The following KCNQ1 variants were observed in gnomAD, a reference collection of about 807,000 sequenced individuals.
KCNQ1 encodes potassium voltage-gated channel subfamily KQT member 1.
Under a neutral mutation model 72.4 loss-of-function variants are expected in KCNQ1, and 49 were observed. That is an observed-to-expected ratio of 0.68 (90% CI 0.54 to 0.86). The LOEUF (loss-of-function observed/expected upper bound fraction) is 0.86. Among genes scored for constraint, KCNQ1 ranks in the 40% least tolerant of loss-of-function variants. The probability of loss-of-function intolerance (pLI) is 0.00; values close to 1 mark genes in which losing one functional copy is unlikely to be tolerated. For synonymous variants in KCNQ1, 450 were observed against 412.6 expected (o/e 1.09, Z -1.10); for missense variants, 790 against 945.1 (o/e 0.84, Z 2.15).
rs1850120410 is a variant in KCNQ1 at position 2,668,321 on chromosome 11, C to T, written c.1514+6240C>T. On this transcript the variant is annotated intron_variant, in intron 11 of 15. Coordinates refer to ENST00000155840, the MANE Select transcript of KCNQ1 (RefSeq NM_000218.3). The surrounding 1 kb of genome is among the most constrained non-coding windows in gnomAD (Gnocchi z 4.3). ...GGTTGCGTTTCTGGGGAATATATGC[C>T]TATGTGTGGAGCTGCAGGGTCCTGG... 2.5e-6 allele frequency: 1 copy of T among 398,598 alleles called. No individual in the cohort carries two copies. The highest frequency in any genetic ancestry group is 4.4e-6 in the Non-Finnish European group (1 of 226,088). 24.7% of individuals were successfully genotyped at this position (398,598 alleles called of 1,614,324 possible). A position where few individuals can be genotyped will look rare whatever the true frequency, so the allele number is the denominator to read the frequency against.
In KCNQ1 at chr11:2,567,760, C is replaced by T. The variant is rs1848267674; in HGVS notation, c.478-2868C>T. ...TGTTGTTTTTAATCATTCCTACCAC[C>T]TTGTCCCACAGGCAGGAGTCCTGCC... On this transcript the variant is annotated intron_variant, in intron 2 of 15. Transcript: ENST00000155840. The surrounding 1 kb of genome is among the most constrained non-coding windows in gnomAD (Gnocchi z 6.6). Among the ~76,000 whole-genome samples, 1 of 152,218 alleles carries T rather than the reference C, an allele frequency of 6.6e-6. No individual in the cohort carries two copies. The highest frequency in any genetic ancestry group is 2.4e-5 in the African/African-American group (1 of 41,454).
chr11:2,517,450 C>T (rs940652143), intron 1 of KCNQ1, among the ~76,000 whole-genome samples: 1 of 152,156 alleles, frequency 6.6e-6, no homozygotes, highest in Non-Finnish European at 1.5e-5. Flanking sequence ...GGCGCGTTCC[C>T]CAGGGCCCCA....
intron 11 of KCNQ1, chr11:2,700,141 C>T (rs1850775025): frequency 1.5e-5 from 6 of 397,224 alleles, no homozygotes; most frequent in Non-Finnish European, 4.4e-6. Context: ...TGTGCCGTGT[C>T]CTGTCATTGG....
chr11:2,778,014 C>T lies in KCNQ1; in HGVS notation c.1771C>T (p.Arg591Cys), dbSNP rs199473483. Reference sequence around the variant, plus strand: ...TCGCGGCAGCAACACGATCGGCGCCCGCCTGAACCGAGTAGAAGACAAGGT... The same window carrying T: ...TCGCGGCAGCAACACGATCGGCGCCTGCCTGAACCGAGTAGAAGACAAGGT... ...KDRGSNTIGA[R>C]LNRVEDKVTQ... The change falls in exon 15 of 16, where the codon CGC becomes TGC. Residue 591 changes from arginine to cysteine, a missense_variant. Arg to Cys is a radical substitution (Grantham distance 180). This residue lies in a region of KCNQ1 where 91 missense variants were observed against 139.1 expected (regional missense o/e 0.65). Transcript: ENST00000155840. The T allele has an allele frequency of 6.2e-6, 10 of 1,613,728 alleles. No homozygotes were observed. Among genetic ancestry groups the T allele is most frequent in the African/African-American group, 2.7e-5 (2 of 75,042 alleles).
intron 2 of KCNQ1, among the ~76,000 whole-genome samples, chr11:2,548,715 C>G (rs1302562066): frequency 6.6e-6 from 1 of 152,226 alleles, no homozygotes; most frequent in Non-Finnish European, 1.5e-5. Context: ...CAGATAGCAC[C>G]AGGTTTGTGT....
chr11:2,503,731 T>C (rs934868028), intron 1 of KCNQ1, among the ~76,000 whole-genome samples: 16 of 152,072 alleles, frequency 1.1e-4, no homozygotes, highest in African/African-American at 3.9e-4. Flanking sequence ...AATGAAAAGG[T>C]ACTCAACGTC....
chr11:2,585,618 C>T (rs1376082560), intron 8 of KCNQ1, among the ~76,000 whole-genome samples: 2 of 152,226 alleles, frequency 1.3e-5, no homozygotes, highest in Non-Finnish European at 2.9e-5. Context: ...CATTCTCCCT[C>T]CCACTGCACA....
intron 15 of KCNQ1, among the ~76,000 whole-genome samples, chr11:2,779,862 C>G (rs556749289): frequency 6.6e-6 from 1 of 152,324 alleles, no homozygotes; most frequent in African/African-American, 2.4e-5. Flanking sequence ...CTTGAAGGCA[C>G]AAAATTATGC....
Position 2,498,811 on chromosome 11 carries a change from G to T in KCNQ1, c.387-29117G>T, listed in dbSNP as rs1306564228. Among the ~76,000 whole-genome samples, 5 of 152,200 alleles carry T rather than the reference G, an allele frequency of 3.3e-5. No homozygotes were observed. The highest frequency in any genetic ancestry group is 4.8e-5 in the African/African-American group (2 of 41,450). The stretch of plus-strand genomic sequence containing the variant: ...GTGCTTGAAACCCAGGGCCCTGGTG[G>T]TATAGGCACATGAAGGAGTCTCCTG... On this transcript the variant is annotated intron_variant, in intron 1 of 15. Transcript: ENST00000155840. The surrounding 1 kb of genome is among the most constrained non-coding windows in gnomAD (Gnocchi z 4.8).
In KCNQ1 at chr11:2,687,048, G is replaced by C. The variant is rs1850501886; in HGVS notation, c.1514+24967G>C. ...CTAAAACTCAGCAGTCCCAGCTCTG[G>C]GGGACAAGGACCCACAAAGTGATGC... On this transcript the variant is annotated intron_variant, in intron 11 of 15. Coordinates refer to ENST00000155840, the MANE Select transcript of KCNQ1 (RefSeq NM_000218.3). The surrounding 1 kb of genome is among the most constrained non-coding windows in gnomAD (Gnocchi z 5.0). 5.0e-6 allele frequency: 2 copies of C among 398,534 alleles called. No individual in the cohort carries two copies. Among genetic ancestry groups the C allele is most frequent in the Admixed American group, 4.4e-5 (1 of 22,720 alleles). 24.7% of individuals were successfully genotyped at this position (398,534 alleles called of 1,614,324 possible).
At position 2,669,082 on chromosome 11, in the gene KCNQ1, T is replaced by C. The variant is rs1850136050; in HGVS notation, c.1514+7001T>C. 2.5e-6 allele frequency: 1 copy of C among 398,734 alleles called. No individual in the cohort carries two copies. Among genetic ancestry groups the C allele is most frequent in the Non-Finnish European group, 4.4e-6 (1 of 226,124 alleles). 24.7% of individuals were successfully genotyped at this position (398,734 alleles called of 1,614,324 possible). A position where few individuals can be genotyped will look rare whatever the true frequency, so the allele number is the denominator to read the frequency against. ...TCTCCCAACTACCCTGCCGTATCAG[T>C]GTCTTTACAATCAGCTCACTGGCTA... On this transcript the variant is annotated intron_variant, in intron 11 of 15. Transcript: ENST00000155840. The surrounding 1 kb of genome is among the most constrained non-coding windows in gnomAD (Gnocchi z 5.6).
rs934314011 is a variant in KCNQ1 at position 2,826,803 on chromosome 11, A to G, written c.1795-20964A>G. ...TGCTGGGTGCTGGGGAGACACACTA[A>G]CCACTTCCCCATATGCTCACAGCCA... On this transcript the variant is annotated intron_variant, in intron 15 of 15. Transcript: ENST00000155840. This position sits in a 1 kb window ranked among gnomAD's most constrained non-coding sequence, Gnocchi z 4.2. Among the ~76,000 whole-genome samples, 1 of 152,056 alleles carries G rather than the reference A, an allele frequency of 6.6e-6. No homozygotes were observed. The highest frequency in any genetic ancestry group is 1.5e-5 in the Non-Finnish European group (1 of 67,988).
intron 15 of KCNQ1, among the ~76,000 whole-genome samples, chr11:2,780,949 C>T (rs1284005451): frequency 6.6e-6 from 1 of 152,166 alleles, no homozygotes; most frequent in African/African-American, 2.4e-5. Context: ...CCAGGGATCC[C>T]TTCCACCCCT....
rs1590037662 is a variant in KCNQ1 at position 2,695,057 on chromosome 11, T to C, written c.1514+32976T>C. The C allele has an allele frequency of 2.5e-6, 1 of 398,586 alleles. No individual in the cohort carries two copies. Among genetic ancestry groups the C allele is most frequent in the Non-Finnish European group, 4.4e-6 (1 of 226,062 alleles). 24.7% of individuals were successfully genotyped at this position (398,586 alleles called of 1,614,324 possible). A position where few individuals can be genotyped will look rare whatever the true frequency, so the allele number is the denominator to read the frequency against. ...CAGGGCAGATCTTGTAAAAACCTGATGGAATTTGAATTTTATTTCCTAGAA... is the reference window on the plus strand; with the variant it reads ...CAGGGCAGATCTTGTAAAAACCTGACGGAATTTGAATTTTATTTCCTAGAA... On this transcript the variant is annotated intron_variant, in intron 11 of 15. Transcript: ENST00000155840. The surrounding 1 kb of genome is among the most constrained non-coding windows in gnomAD (Gnocchi z 5.2).
At position 2,488,869 on chromosome 11, in the gene KCNQ1, ATCT is replaced by A. The variant is rs561797421; in HGVS notation, c.387-39054_387-39052del. On this transcript the variant is annotated intron_variant, in intron 1 of 15. Coordinates refer to ENST00000155840, the MANE Select transcript of KCNQ1 (RefSeq NM_000218.3). This position sits in a 1 kb window ranked among gnomAD's most constrained non-coding sequence, Gnocchi z 5.1. ...GTTGGTCTCTGCTGTGGTATTTATT[ATCT>A]TCTTTCTTCTGCTAGCTTTGGGTTT... Among the ~76,000 whole-genome samples the A allele has an allele frequency of 2.2e-3, 328 of 152,210 alleles. 2 individuals are homozygous for A. Among genetic ancestry groups the A allele is most frequent in the Middle Eastern group, 6.8e-3 (2 of 294 alleles).
At position 2,718,101 on chromosome 11, in the gene KCNQ1, C is replaced by T. The variant is rs185566072; in HGVS notation, c.1515-50743C>T. On this transcript the variant is annotated intron_variant, in intron 11 of 15. Coordinates refer to ENST00000155840, the MANE Select transcript of KCNQ1 (RefSeq NM_000218.3). ...CTTCTGGAAGAGCCGGGTTGACACC[C>T]GCGTGCCCCGTCCTGGCTTAAACAC... Among the ~76,000 whole-genome samples the T allele has an allele frequency of 2.9e-3, 448 of 152,314 alleles. 2 individuals carry two copies. Among genetic ancestry groups the T allele is most frequent in the African/African-American group, 0.011 (437 of 41,564 alleles).
At chr11:2,576,894 C>T (rs1452018486) in intron 6 of KCNQ1, among the ~76,000 whole-genome samples, 1 of 152,224 alleles carries the variant, frequency 6.6e-6, no homozygotes, top group East Asian at 1.9e-4. Context: ...TCTTCCTCCT[C>T]CTGGAGTTCC....
intron 15 of KCNQ1, among the ~76,000 whole-genome samples, chr11:2,844,436 C>A (rs1159989548): frequency 2.0e-5 from 3 of 152,238 alleles, no homozygotes; most frequent in South Asian, 4.1e-4. Context: ...GCACAGGCAG[C>A]AGTTGAGGTG....
chr11:2,619,691 G>A (rs1385652570), intron 10 of KCNQ1: 2 of 397,320 alleles, frequency 5.0e-6, no homozygotes, highest in East Asian at 3.6e-5. Context: ...AAATGTGTTA[G>A]GAAGTATTCC....
Sources: gnomAD v4.1 joint callset for allele counts (sites outside exome capture counted in the v4.1 genomes callset) on GRCh38, gnomAD v4.1.1 for gene constraint, gnomAD v4.1.1 regional missense constraint, Gnocchi (gnomAD v3.1) non-coding constraint, MANE v1.5 for transcripts, NCBI Gene and HGNC (gene_info 2026-07-23, HGNC 2026-07-21) for gene names.